Variants in GABBR2 observed in about 807,000 individuals in gnomAD.
The protein encoded by GABBR2 is G-protein coupled receptor 51.
GABBR2 carries 23 observed loss-of-function variants against 105.6 expected under a neutral mutation model. The ratio of observed to expected loss-of-function variants is 0.22; its 90% CI spans 0.16 to 0.31. The LOEUF (loss-of-function observed/expected upper bound fraction) is 0.31, where lower values mean the gene tolerates loss of function less well. Among genes scored for constraint, GABBR2 ranks in the 10% least tolerant of loss-of-function variants. The pLI is 1.00. For synonymous variants in GABBR2, 478 were observed against 499.7 expected (o/e 0.96, Z 0.58); for missense variants, 734 against 1,245.5 (o/e 0.59, Z 6.18).
At chr9:98,367,205 G>A (rs758142812) in intron 12 of GABBR2, among the ~76,000 whole-genome samples, 1 of 147,944 alleles carries the variant, frequency 6.8e-6, no homozygotes, top group Admixed American at 6.8e-5. Context: ...GGAGGGGTGG[G>A]AGCTATGCAA....
At chr9:98,485,493 TACACACACGCAGGCAC>T (rs1025073378) in intron 4 of GABBR2, among the ~76,000 whole-genome samples, 9 of 143,094 alleles carry the variant, frequency 6.3e-5, no homozygotes, top group South Asian at 2.2e-4. Flanking sequence ...TAAACACACA[TACACACACGCAGGCAC>T]ACACACACAC....
chr9:98,563,369 TGAA>T (rs1283664175), intron 2 of GABBR2, among the ~76,000 whole-genome samples: 1 of 152,138 alleles, frequency 6.6e-6, no homozygotes. Context: ...AAGACTGCAC[TGAA>T]GGAGGAAGTG....
At chr9:98,700,350 A>G (rs1259075291) in intron 1 of GABBR2, among the ~76,000 whole-genome samples, 1 of 152,160 alleles carries the variant, frequency 6.6e-6, no homozygotes, top group African/African-American at 2.4e-5. Flanking sequence ...CAACACCTTT[A>G]AGACCTGCCA....
At chr9:98,594,611 G>C (rs1829204521) in intron 1 of GABBR2, among the ~76,000 whole-genome samples, 1 of 152,196 alleles carries the variant, frequency 6.6e-6, no homozygotes, top group Non-Finnish European at 1.5e-5. Flanking sequence ...ACCGCCTCTG[G>C]GGAAGCCCCT....
At chr9:98,450,056 C>T (rs1037617964) in intron 7 of GABBR2, among the ~76,000 whole-genome samples, 2 of 152,128 alleles carry the variant, frequency 1.3e-5, no homozygotes, top group South Asian at 2.1e-4. Flanking sequence ...GCCCAGCTCC[C>T]GGCAGAGAGT....
chr9:98,521,306 G>A lies in GABBR2; in HGVS notation c.630+20567C>T, dbSNP rs139076134. Among the ~76,000 whole-genome samples the A allele has an allele frequency of 2.7e-3, 406 of 152,294 alleles. 3 individuals carry two copies. Among genetic ancestry groups the A allele is most frequent in the Admixed American group, 0.011 (162 of 15,302 alleles). Reference sequence around the variant, plus strand: ...ACTCATGGCTCTCCTTCCTGAGAAAGTAGTGCGGTGCTGCAGGGAGGGTGG... The same window carrying A: ...ACTCATGGCTCTCCTTCCTGAGAAAATAGTGCGGTGCTGCAGGGAGGGTGG... On this transcript the variant is annotated intron_variant, in intron 3 of 18. Coordinates refer to ENST00000259455, the MANE Select transcript of GABBR2 (RefSeq NM_005458.8).
chr9:98,542,185 T>C, intron 2 of GABBR2, 142 bp from the exon 3 acceptor site: 1 of 672,750 alleles, frequency 1.5e-6, no homozygotes, highest in Non-Finnish European at 2.4e-6. Context: ...ACTTTTTTAT[T>C]GTAAGAGTAA....
chr9:98,435,401 G>A (rs943257078), intron 7 of GABBR2, among the ~76,000 whole-genome samples: 7 of 152,108 alleles, frequency 4.6e-5, no homozygotes, highest in African/African-American at 1.7e-4. Context: ...GTCGTAACTG[G>A]TAAAACACCA....
At chr9:98,605,202 C>A (rs1829397039) in intron 1 of GABBR2, among the ~76,000 whole-genome samples, 1 of 152,240 alleles carries the variant, frequency 6.6e-6, no homozygotes, top group Non-Finnish European at 1.5e-5. Flanking sequence ...AGCGGAGTAG[C>A]CATCCCCAGG....
intron 7 of GABBR2, among the ~76,000 whole-genome samples, chr9:98,451,999 C>G (rs1286067789): frequency 6.6e-6 from 1 of 152,222 alleles, no homozygotes; most frequent in Non-Finnish European, 1.5e-5. Context: ...CGGGCTTGGG[C>G]TCAAATAGTT....
intron 1 of GABBR2, among the ~76,000 whole-genome samples, chr9:98,584,889 T>C (rs1829047231): frequency 6.6e-6 from 1 of 152,216 alleles, no homozygotes; most frequent in Non-Finnish European, 1.5e-5. Flanking sequence ...GCCAGGGGTC[T>C]CACTCTCTCA....
chr9:98,403,010 T>C (rs909703754), intron 8 of GABBR2, among the ~76,000 whole-genome samples: 1 of 151,942 alleles, frequency 6.6e-6, no homozygotes, highest in African/African-American at 2.4e-5. Flanking sequence ...TAAAAAAACA[T>C]GTAGGCCAGG....
At chr9:98,392,389 G>A (rs555060292) in intron 9 of GABBR2, among the ~76,000 whole-genome samples, 2 of 152,356 alleles carry the variant, frequency 1.3e-5, no homozygotes, top group South Asian at 4.1e-4. Flanking sequence ...TGCCGATCTT[G>A]GGGATCAGGG....
chr9:98,617,009 CT>C (rs1226300619), intron 1 of GABBR2, among the ~76,000 whole-genome samples: 1 of 152,212 alleles, frequency 6.6e-6, no homozygotes, highest in African/African-American at 2.4e-5. Flanking sequence ...ACATTCCAGG[CT>C]TCCCCAGGTA....
At chr9:98,373,323 C>A (rs932648864) in intron 11 of GABBR2, among the ~76,000 whole-genome samples, 4 of 152,138 alleles carry the variant, frequency 2.6e-5, no homozygotes, top group African/African-American at 9.7e-5. Context: ...ATAACAGACA[C>A]CAGGGTGATT....
chr9:98,490,855 A>G (rs1827162027), intron 4 of GABBR2, among the ~76,000 whole-genome samples: 1 of 152,192 alleles, frequency 6.6e-6, no homozygotes, highest in Admixed American at 6.5e-5. Flanking sequence ...CCTGTTCAGA[A>G]CAGGCTTGGA....
chr9:98,627,757 G>A (rs1373016511), intron 1 of GABBR2, among the ~76,000 whole-genome samples: 1 of 152,214 alleles, frequency 6.6e-6, no homozygotes, highest in Non-Finnish European at 1.5e-5. Context: ...CTGAAGCTCA[G>A]TCAATGACAA....
intron 7 of GABBR2, among the ~76,000 whole-genome samples, chr9:98,447,547 G>A (rs1826156288): frequency 2.7e-5 from 4 of 147,118 alleles, no homozygotes; most frequent in African/African-American, 7.9e-5. Context: ...ATGTGTGTGT[G>A]TGTGTGTGTG....
At chr9:98,421,639 T>C (rs2131555245) in intron 7 of GABBR2, among the ~76,000 whole-genome samples, 1 of 152,340 alleles carries the variant, frequency 6.6e-6, no homozygotes, top group East Asian at 1.9e-4. Flanking sequence ...AAGGGTGCTT[T>C]AAACTGAGAA....
Sources: gnomAD v4.1 joint callset for allele counts (sites outside exome capture counted in the v4.1 genomes callset) on GRCh38, gnomAD v4.1.1 for gene constraint, MANE v1.5 for transcripts, NCBI Gene and HGNC (gene_info 2026-07-23, HGNC 2026-07-21) for gene names.